Variants in RPN1 observed in about 807,000 individuals in gnomAD.
RPN1 encodes dolichyl-diphosphooligosaccharide--protein glycosyltransferase subunit 1.
In RPN1, 12 loss-of-function variants were observed where a neutral mutation model predicts 55.5. The ratio of observed to expected loss-of-function variants is 0.22; its 90% CI spans 0.14 to 0.35. The LOEUF (loss-of-function observed/expected upper bound fraction) is 0.35. Ranked by LOEUF, RPN1 falls within the 10% of genes least tolerant of loss-of-function variation. The probability of loss-of-function intolerance (pLI) is 1.00; values close to 1 mark genes in which losing one functional copy is unlikely to be tolerated. For synonymous variants in RPN1, 317 were observed against 305.9 expected, an observed-to-expected ratio of 1.04 and a Z score of -0.38; for missense variants, 679 against 761.3, an observed-to-expected ratio of 0.89 and a Z score of 1.27.
At chr3:128,646,608 C>T (rs1443379184) in intron 1 of RPN1, among the ~76,000 whole-genome samples, 4 of 151,642 alleles carry the variant, frequency 2.6e-5, no homozygotes, top group Non-Finnish European at 5.9e-5. Context: ...ATTGCTTGAA[C>T]CCAGGAGGTG....
At position 128,648,843 on chromosome 3, in the gene RPN1, A is replaced by G. The variant is rs1025394728; in HGVS notation, c.261+1697T>C. 2.6e-4 allele frequency among the ~76,000 whole-genome samples: 40 copies of G among 152,256 alleles called. 1 individual carries two copies. The highest frequency in any genetic ancestry group is 3.8e-4 in the Non-Finnish European group (26 of 68,042). ...AAAGCCAGAAGAGGCAACATTATAC[A>G]GTGTGAGAACACACAACTTACGGAA... On this transcript the variant is annotated intron_variant, in intron 1 of 9. Transcript: ENST00000296255.
At chr3:128,650,136 G>A (rs2069805098) in intron 1 of RPN1, among the ~76,000 whole-genome samples, 2 of 152,236 alleles carry the variant, frequency 1.3e-5, no homozygotes, top group Admixed American at 6.5e-5. Flanking sequence ...CCGGGCCGAG[G>A]GGCTGCCGCG....
Position 128,634,607 on chromosome 3 carries a change from G to T in RPN1, c.634-2450C>A, listed in dbSNP as rs934335423. Among the ~76,000 whole-genome samples, 3 of 144,830 alleles carry T rather than the reference G, an allele frequency of 2.1e-5. No individual in the cohort carries two copies. The South Asian group carries it at 6.5e-4, about 31-fold the overall frequency. On this transcript the variant is annotated intron_variant, in intron 3 of 9. Transcript: ENST00000296255. ...AGACAAACTCTCACCCTGTCGCCCA[G>T]ATTGGAGTGCAATGACGCGATCTTG...
chr3:128,650,543 C>T lies in RPN1; in HGVS notation c.258G>A (p.Val86=), dbSNP rs1427710986. 1.0e-5 allele frequency: 16 copies of T among 1,539,880 alleles called. No individual in the cohort carries two copies. The highest frequency in any genetic ancestry group is 1.2e-5 in the Non-Finnish European group (14 of 1,144,580). The change falls in exon 1 of 10, where the codon GTG becomes GTA. Residue 86 remains valine, a synonymous_variant. Transcript: ENST00000296255. ...ELEARLAHLG[V]QVKGEDEEEN... Reference sequence around the variant, plus strand: ...GCGAGGGGTCGCCCACACTCACCTGCACGCCCAGGTGCGCCAGCCGGGCCT... The same window carrying T: ...GCGAGGGGTCGCCCACACTCACCTGTACGCCCAGGTGCGCCAGCCGGGCCT...
chr3:128,625,583 A>G lies in RPN1; in HGVS notation c.1346T>C (p.Leu449Pro). Reference protein sequence around the residue: ...PLLVVAAFYILFFTVIIYVRL... With the variant: ...PLLVVAAFYIPFFTVIIYVRL... ...AACATAGATGATAACGGTGAAGAAC[A>G]GGATGTAGAAGGCCGCCACCACCAG... Residue 449 changes from leucine to proline, a missense_variant, in exon 8 of 10, where the codon CTG becomes CCG. Leu to Pro is a moderately conservative substitution (Grantham distance 98). Around this residue, in one of 3 missense-constraint regions of RPN1, gnomAD observed 306 missense variants for 360.0 expected, o/e 0.85. Coordinates refer to ENST00000296255, the MANE Select transcript of RPN1 (RefSeq NM_002950.4). The G allele has an allele frequency of 6.2e-7, 1 of 1,614,132 alleles. No individual in the cohort carries two copies. Among genetic ancestry groups the G allele is most frequent in the Non-Finnish European group, 8.5e-7 (1 of 1,180,022 alleles).
At chr3:128,630,361 G>A (rs2069632549) in intron 4 of RPN1, among the ~76,000 whole-genome samples, 1 of 152,156 alleles carries the variant, frequency 6.6e-6, no homozygotes, top group Non-Finnish European at 1.5e-5. Context: ...CTTCTAAACA[G>A]TAAATAATTA....
intron 2 of RPN1, 55 bp from the exon 3 acceptor site, chr3:128,638,160 T>C (rs1576797367): frequency 5.9e-6 from 8 of 1,350,566 alleles, no homozygotes; most frequent in Middle Eastern, 1.8e-4. Flanking sequence ...CTGAAAACAG[T>C]AGTAGCAGTT....
intron 1 of RPN1, 33 bp from the exon 2 acceptor site, chr3:128,645,016 T>C (rs1458234610): frequency 3.2e-6 from 4 of 1,256,038 alleles, no homozygotes; most frequent in Non-Finnish European, 4.7e-6. Flanking sequence ...ATTATTCATG[T>C]CTTTTGGCTT....
chr3:128,623,316 T>C (rs918134703), intron 8 of RPN1, among the ~76,000 whole-genome samples: 1 of 152,084 alleles, frequency 6.6e-6, no homozygotes, highest in African/African-American at 2.4e-5. Context: ...GCAGGCAGAT[T>C]GCTTGAGTCC....
At chr3:128,645,686 G>A (rs1404854305) in intron 1 of RPN1, among the ~76,000 whole-genome samples, 6 of 150,352 alleles carry the variant, frequency 4.0e-5, no homozygotes, top group African/African-American at 7.4e-5. Context: ...GCGTGGTGGC[G>A]CTCGCCTGTT....
chr3:128,621,443 G>A (rs1324019174), intron 9 of RPN1, among the ~76,000 whole-genome samples: 2 of 152,196 alleles, frequency 1.3e-5, no homozygotes, highest in African/African-American at 4.8e-5. Context: ...GCAGTGAGCA[G>A]AGATTGCGCC....
In RPN1 at chr3:128,643,616, T is replaced by G. The variant is rs377248553; in HGVS notation, c.326+1303A>C. Among the ~76,000 whole-genome samples, 44 of 151,860 alleles carry G rather than the reference T, an allele frequency of 2.9e-4. No individual in the cohort carries two copies. The East Asian group carries it at 3.9e-3, about 13-fold the overall frequency. On this transcript the variant is annotated intron_variant, in intron 2 of 9. Coordinates refer to ENST00000296255, the MANE Select transcript of RPN1 (RefSeq NM_002950.4). ...TTCAAGACCAGCCTGACCAATATGG[T>G]GAAACCCCATCTCTATTAAAAATAC... is the stretch of plus-strand genomic sequence containing the variant.
At chr3:128,647,524 A>T (rs779976120) in intron 1 of RPN1, among the ~76,000 whole-genome samples, 2 of 151,892 alleles carry the variant, frequency 1.3e-5, no homozygotes, top group African/African-American at 2.4e-5. Flanking sequence ...TCTCTGAAAA[A>T]ACAAAAAATT....
At chr3:128,640,959 T>C (rs975484355) in intron 2 of RPN1, 2 of 152,170 alleles carry the variant, frequency 1.3e-5, no homozygotes, top group African/African-American at 4.8e-5. Context: ...AGAAGACAAA[T>C]CAGAACCTTT....
At chr3:128,643,972 G>A (rs919435438) in intron 2 of RPN1, among the ~76,000 whole-genome samples, 9 of 152,058 alleles carry the variant, frequency 5.9e-5, no homozygotes, top group African/African-American at 2.2e-4. Flanking sequence ...CAGGCTCCAC[G>A]CTAGGTGCTG....
intron 5 of RPN1, chr3:128,627,036 G>T: frequency 1.8e-6 from 1 of 563,694 alleles, no homozygotes; most frequent in Non-Finnish European, 3.2e-6. Context: ...TCAAAACACC[G>T]ACAGCCACAA....
At chr3:128,635,686 G>T (rs753047546) in intron 3 of RPN1, among the ~76,000 whole-genome samples, 1,668 of 113,102 alleles carry the variant, frequency 0.015, 20 homozygotes, top group African/African-American at 0.021. Flanking sequence ...GATATCTATA[G>T]ATATACACAC....
chr3:128,632,158 CT>C lies in RPN1; in HGVS notation c.634-2del. ...TCTCATAATGTACTTTAAAAGTATC[CT>C]GGAAGGAAGGAAACAAATAGTTCAA... On this transcript the variant is annotated splice_acceptor_variant, in intron 3 of 9. Coordinates refer to ENST00000296255, the MANE Select transcript of RPN1 (RefSeq NM_002950.4). LOFTEE classifies it high-confidence loss of function. The C allele has an allele frequency of 6.2e-7, 1 of 1,613,998 alleles. No individual in the cohort carries two copies. Among genetic ancestry groups the C allele is most frequent in the Non-Finnish European group, 8.5e-7 (1 of 1,179,932 alleles).
At chr3:128,636,737 T>C (rs532509348) in intron 3 of RPN1, among the ~76,000 whole-genome samples, 4 of 152,222 alleles carry the variant, frequency 2.6e-5, no homozygotes, top group Non-Finnish European at 5.9e-5. Flanking sequence ...TTTGTAAAAA[T>C]GAGGTCTCAC....
Sources: allele counts gnomAD v4.1 joint callset (sites outside exome capture counted in the v4.1 genomes callset), GRCh38; gene constraint gnomAD v4.1.1; regional missense constraint gnomAD v4.1.1; transcripts MANE v1.5; gene names NCBI Gene and HGNC (gene_info 2026-07-23, HGNC 2026-07-21).